MYLK: variants seen among roughly 807,000 people sequenced by gnomAD.
MYLK encodes myosin light chain kinase, smooth muscle.
A neutral mutation model predicts 203.4 loss-of-function variants in MYLK; 106 were observed. The observed-to-expected ratio is 0.52, with a 90% confidence interval of 0.45 to 0.61. The LOEUF is 0.61. MYLK is among the 20% of genes least tolerant of loss of function. The pLI is 0.00. For missense variants in MYLK, 2,072 were observed against 2,442.3 expected (o/e 0.85, Z 3.20); for synonymous variants, 867 against 959.5 (o/e 0.90, Z 1.78).
At chr3:123,736,325 C>G (rs2062671938) in intron 8 of MYLK, among the ~76,000 whole-genome samples, 2 of 152,136 alleles carry the variant, frequency 1.3e-5, no homozygotes, top group Admixed American at 6.5e-5. Flanking sequence ...AAAAAAGTAA[C>G]AAGAGCAAAG....
chr3:123,802,492 G>A lies in MYLK; in HGVS notation c.-3-8648C>T, dbSNP rs573172116. 2.0e-5 allele frequency among the ~76,000 whole-genome samples: 3 copies of A among 152,384 alleles called. No homozygotes were observed. The East Asian group carries it at 5.8e-4, about 29-fold the overall frequency. ...ACATCAGCAGAGCAGCAGACCACGG[G>A]TGGGAGGAGCATTTCTGCTCAGCAA... is the stretch of plus-strand genomic sequence containing the variant. On this transcript the variant is annotated intron_variant, in intron 3 of 33. Coordinates refer to ENST00000360304, the MANE Select transcript of MYLK (RefSeq NM_053025.4).
At chr3:123,839,280 AG>A (rs2066539194) in intron 2 of MYLK, among the ~76,000 whole-genome samples, 1 of 152,220 alleles carries the variant, frequency 6.6e-6, no homozygotes, top group Admixed American at 6.5e-5. Context: ...TGTATAAAAA[AG>A]TAAGACCCAG....
At chr3:123,687,052 T>C (rs1309832056) in intron 19 of MYLK, among the ~76,000 whole-genome samples, 1 of 151,984 alleles carries the variant, frequency 6.6e-6, no homozygotes, top group Non-Finnish European at 1.5e-5. Flanking sequence ...TGAAACCCCT[T>C]CTCTACTAAA....
Position 123,686,846 on chromosome 3 carries a change from G to A in MYLK, c.3566-4536C>T, listed in dbSNP as rs114590281. On this transcript the variant is annotated intron_variant, in intron 19 of 33. Transcript: ENST00000360304. ...TCAGGTTGAACTACACCATTCGCCA[G>A]TATTGAAGTGTTTTTGACCTACAAA... Among the ~76,000 whole-genome samples the A allele has an allele frequency of 2.2e-3, 339 of 152,330 alleles. 1 individual carries two copies. Among genetic ancestry groups the A allele is most frequent in the African/African-American group, 7.7e-3 (321 of 41,574 alleles).
chr3:123,694,819 C>A (rs1382192223), intron 18 of MYLK, among the ~76,000 whole-genome samples: 1 of 152,214 alleles, frequency 6.6e-6, no homozygotes, highest in South Asian at 2.1e-4. Flanking sequence ...GGGAGGCCCC[C>A]CTAGCAGGCT....
At chr3:123,656,728 C>G (rs1255801206) in intron 24 of MYLK, among the ~76,000 whole-genome samples, 1 of 152,150 alleles carries the variant, frequency 6.6e-6, no homozygotes, top group Non-Finnish European at 1.5e-5. Flanking sequence ...CTCTCTTCCT[C>G]TAGATTTTAA....
In MYLK at chr3:123,709,713, C is replaced by A. The variant is rs372991535; in HGVS notation, c.1942+43G>T. On this transcript the variant is annotated intron_variant, in intron 14 of 33. Coordinates refer to ENST00000360304, the MANE Select transcript of MYLK (RefSeq NM_053025.4). The stretch of plus-strand genomic sequence containing the variant: ...AGAGCAATACCCATTGCAACCAAGA[C>A]CATTTTCATGTTAATCCCCAAGAGA... 7 of 1,611,682 alleles carry A rather than the reference C, an allele frequency of 4.3e-6. No individual in the cohort carries two copies. The African/African-American group carries it at 8.0e-5, about 18-fold the overall frequency.
At chr3:123,695,533 T>C (rs1223700489) in intron 18 of MYLK, among the ~76,000 whole-genome samples, 2 of 151,884 alleles carry the variant, frequency 1.3e-5, no homozygotes, top group Admixed American at 6.5e-5. Context: ...TAACTTACTA[T>C]TGAAAAAGAT....
At chr3:123,778,742 TCTGGAGACTAACAG>T (rs1264215405) in intron 4 of MYLK, among the ~76,000 whole-genome samples, 1 of 152,172 alleles carries the variant, frequency 6.6e-6, no homozygotes, top group Admixed American at 6.5e-5. Flanking sequence ...TGTTTCCATC[TCTGGAGACTAACAG>T]CTGCCCCTTG....
intron 16 of MYLK, among the ~76,000 whole-genome samples, chr3:123,704,898 C>A (rs1452398833): frequency 6.6e-6 from 1 of 151,952 alleles, no homozygotes; most frequent in African/African-American, 2.4e-5. Flanking sequence ...CCAGCCTGGG[C>A]GACAGAGTGA....
chr3:123,820,628 TTCCTTCCTTCCTTCCC>T (rs1405344438), intron 3 of MYLK, among the ~76,000 whole-genome samples: 21 of 140,438 alleles, frequency 1.5e-4, no homozygotes, highest in East Asian at 4.0e-4. Flanking sequence ...CCTTCCTTCC[TTCCTTCCTTCCTTCCC>T]TCCTTCCTTC....
chr3:123,671,295 T>G (rs2059905343), intron 20 of MYLK, among the ~76,000 whole-genome samples: 1 of 152,206 alleles, frequency 6.6e-6, no homozygotes. Context: ...AGACTGGAAG[T>G]GAAAGATTCC....
rs372251565 is a variant in MYLK, at chr3:123,692,755, G to A, written c.3545C>T (p.Ser1182Phe). 8.1e-6 allele frequency: 13 copies of A among 1,613,916 alleles called. No homozygotes were observed. The highest frequency in any genetic ancestry group is 1.1e-5 in the Non-Finnish European group (13 of 1,179,976). ...CCTACCATCCACGGTGACTTGGCAGGAGCACTCCGCCTGGCCAGCGTCATT... is the reference window on the plus strand; with the variant it reads ...CCTACCATCCACGGTGACTTGGCAGAAGCACTCCGCCTGGCCAGCGTCATT... ...AKNDAGQAEC[S>F]CQVTVDDAPA... The change falls in exon 19 of 34, where the codon TCC becomes TTC. Residue 1182 changes from serine to phenylalanine, a missense_variant. Transcript: ENST00000360304.
chr3:123,645,447 T>C (rs1459812480), intron 27 of MYLK, among the ~76,000 whole-genome samples: 2 of 152,208 alleles, frequency 1.3e-5, no homozygotes, highest in African/African-American at 2.4e-5. Context: ...TGGGGATGTC[T>C]TACTGGACTC....
intron 9 of MYLK, chr3:123,734,594 A>T (rs1281284128): frequency 5.7e-6 from 1 of 174,586 alleles, no homozygotes; most frequent in Non-Finnish European, 1.2e-5. Context: ...TAATCAAATT[A>T]TGTCATTTCA....
chr3:123,873,505 T>C (rs553835348), intron 2 of MYLK, among the ~76,000 whole-genome samples: 2 of 152,236 alleles, frequency 1.3e-5, no homozygotes, highest in East Asian at 3.9e-4. Flanking sequence ...AAACTATCTT[T>C]ATTCAGAGAT....
At chr3:123,865,521 T>C in intron 2 of MYLK, among the ~76,000 whole-genome samples, 1 of 152,232 alleles carries the variant, frequency 6.6e-6, no homozygotes, top group East Asian at 1.9e-4. Flanking sequence ...ATTCACTTGC[T>C]TGCTAACTTG....
chr3:123,717,839 C>CTTTTT (rs10574979), intron 13 of MYLK, among the ~76,000 whole-genome samples: 27 of 94,962 alleles, frequency 2.8e-4, no homozygotes, highest in African/African-American at 1.0e-3. Context: ...TTGAGGGACT[C>CTTTTT]TTTTTTTTTT....
At chr3:123,817,990 C>T (rs2065804005) in intron 3 of MYLK, among the ~76,000 whole-genome samples, 1 of 152,172 alleles carries the variant, frequency 6.6e-6, no homozygotes, top group South Asian at 2.1e-4. Flanking sequence ...GGGCCATCCT[C>T]TTCCATTGCC....
Sources: gnomAD v4.1 joint callset for allele counts (sites outside exome capture counted in the v4.1 genomes callset) on GRCh38, gnomAD v4.1.1 for gene constraint, MANE v1.5 for transcripts, NCBI Gene and HGNC (gene_info 2026-07-23, HGNC 2026-07-21) for gene names.